The following FLG variants were observed in gnomAD, a reference collection of about 807,000 sequenced individuals.
FLG encodes filaggrin.
FLG carries 6 observed loss-of-function variants against 3.8 expected under a neutral mutation model. The ratio of observed to expected loss-of-function variants is 1.60; its 90% CI spans 0.87 to 3.15. The LOEUF (loss-of-function observed/expected upper bound fraction) is 3.15, where lower values mean the gene tolerates loss of function less well. Among genes scored for constraint, FLG ranks in the 30% most tolerant of loss-of-function variants. FLG has a pLI of 0.00. For missense variants in FLG, 7,595 were observed against 5,050.9 expected (o/e 1.50, Z -15.27); for synonymous variants, 2,551 against 1,931.6 (o/e 1.32, Z -8.41).
rs779280317 is a variant in FLG, at chr1:152,307,972, T to G, written c.6914A>C (p.His2305Pro). The stretch of plus-strand genomic sequence containing the variant: ...TCCACCAGAGGAATTCTCTGCATGA[T>G]GAGTGCCTGATTGTCTGGAGCTCTC... The part of the protein sequence containing the change: ...SAESSRQSGT[H>P]HAENSSGGQA... The change falls in exon 3 of 3, where the codon CAT (histidine) becomes CCT (proline). Residue 2305 changes from histidine (H) to proline (P), a missense_variant. Transcript: ENST00000368799. The G allele has an allele frequency of 8.1e-6, 13 of 1,613,998 alleles. No homozygotes were observed. The highest frequency in any genetic ancestry group is 5.5e-5 in the South Asian group (5 of 91,084).
In FLG at chr1:152,312,556, T is replaced by C. The variant is rs142971417; in HGVS notation, c.2330A>G (p.Glu777Gly). The part of the protein sequence containing the change: ...QAGHHQQSHQ[E>G]SARDRSGERS... ...TTCCCCTGACCGGTCACGTGCGGAC[T>C]CTTGGTGGCTCTGCTGATGGTGACC... Residue 777 changes from glutamate (E) to glycine (G), a missense_variant, in exon 3 of 3, where the codon GAG (glutamate) becomes GGG (glycine). Coordinates refer to ENST00000368799, the MANE Select transcript of FLG (RefSeq NM_002016.2). 93 of 1,613,608 alleles carry C rather than the reference T, an allele frequency of 5.8e-5. No individual in the cohort carries two copies. The African/African-American group carries it at 1.1e-3, about 20-fold the overall frequency.
chr1:152,311,683 C>T lies in FLG; in HGVS notation c.3203G>A (p.Gly1068Asp). ...VRDSGHWGSS[G>D]SQASDSEGHS... is the part of the protein sequence containing the mutation. Reference sequence around the variant, plus strand: ...TCCCTCACTATCACTGGCCTGACTACCACTGGACCCCCAGTGTCCACTGTC... The same window carrying T: ...TCCCTCACTATCACTGGCCTGACTATCACTGGACCCCCAGTGTCCACTGTC... Residue 1068 changes from glycine (G) to aspartate (D), a missense_variant, in exon 3 of 3, where the codon GGT (glycine) becomes GAT (aspartate). Coordinates refer to ENST00000368799, the MANE Select transcript of FLG (RefSeq NM_002016.2). 6.2e-7 allele frequency: 1 copy of T among 1,614,056 alleles called. No homozygotes were observed. Among genetic ancestry groups the T allele is most frequent in the East Asian group, 2.2e-5 (1 of 44,852 alleles).
chr1:152,320,756 C>T (rs754716367), intron 1 of FLG, among the ~76,000 whole-genome samples: 51 of 150,972 alleles, frequency 3.4e-4, no homozygotes, highest in Non-Finnish European at 6.3e-4. Context: ...AATATCCATT[C>T]TTTTGAAATT....
At position 152,305,251 on chromosome 1, in the gene FLG, C is replaced by T. The variant is rs748590658; in HGVS notation, c.9635G>A (p.Gly3212Glu). Residue 3212 changes from glycine (G) to glutamate (E), a missense_variant, in exon 3 of 3, where the codon GGA (glycine) becomes GAA (glutamate). Gly to Glu is a moderately conservative substitution (Grantham distance 98). Coordinates refer to ENST00000368799, the MANE Select transcript of FLG (RefSeq NM_002016.2). ...GTCACTGTCCTGGCTCACACTGGAT[C>T]CCTGGCGCCTGCTTCTCCTGGACCC... The part of the protein sequence containing the change: ...SEGSRRSRRQ[G>E]SSVSQDSDSE... 52 of 1,612,636 alleles carry T rather than the reference C, an allele frequency of 3.2e-5. No homozygotes were observed. The highest frequency in any genetic ancestry group is 4.1e-5 in the Non-Finnish European group (48 of 1,179,798).
Position 152,308,624 on chromosome 1 carries a change from C to A in FLG, c.6262G>T (p.Gly2088Trp). The change falls in exon 3 of 3, where the codon GGG (glycine) becomes TGG (tryptophan). Residue 2088 changes from glycine to tryptophan, a missense_variant. Physicochemically the swap from Gly to Trp is radical, Grantham distance 184 (BLOSUM62 -2). Coordinates refer to ENST00000368799, the MANE Select transcript of FLG (RefSeq NM_002016.2). ...GQSGESSGRSGSFLYQVSTHE... is the reference protein window; with the variant it reads ...GQSGESSGRSWSFLYQVSTHE... ...GTGCTCACCTGGTAGAGGAAAGACCCTGAACGTCCAGAGCTTTCCCCTGAC... is the reference window on the plus strand; with the variant it reads ...GTGCTCACCTGGTAGAGGAAAGACCATGAACGTCCAGAGCTTTCCCCTGAC... 1 of 1,614,062 alleles carries A rather than the reference C, an allele frequency of 6.2e-7. No homozygotes were observed. The highest frequency in any genetic ancestry group is 8.5e-7 in the Non-Finnish European group (1 of 1,179,976).
chr1:152,315,105 T>A (rs571804027), intron 2 of FLG: 220 of 423,508 alleles, frequency 5.2e-4, no homozygotes, highest in Middle Eastern at 3.2e-3. Context: ...CATTAATTTT[T>A]AAATATTTAT....
intron 1 of FLG, among the ~76,000 whole-genome samples, chr1:152,320,750 T>A (rs1652936289): frequency 6.6e-6 from 1 of 151,048 alleles, no homozygotes; most frequent in Non-Finnish European, 1.5e-5. Flanking sequence ...CTGCAGAATA[T>A]CCATTCTTTT....
chr1:152,309,594 A>G lies in FLG; in HGVS notation c.5292T>C (p.Ser1764=). ...QSGERSGRSG[S]FLYQVSTHEQ... ...CATGAGTGCTCACCTGGTAGAGGAA[A>G]GACCCTGAACGTCCAGACCTTTCCC... is the stretch of plus-strand genomic sequence containing the variant. The change falls in exon 3 of 3, where the codon TCT becomes TCC. Residue 1764 remains serine (S), a synonymous_variant. Transcript: ENST00000368799. 1 of 1,613,768 alleles carries G rather than the reference A, an allele frequency of 6.2e-7. No homozygotes were observed. The highest frequency in any genetic ancestry group is 1.1e-5 in the South Asian group (1 of 91,052).
Position 152,312,232 on chromosome 1 carries a change from C to A in FLG, c.2654G>T (p.Gly885Val). 5 of 1,613,902 alleles carry A rather than the reference C, an allele frequency of 3.1e-6. No individual in the cohort carries two copies. The highest frequency in any genetic ancestry group is 3.4e-6 in the Non-Finnish European group (4 of 1,179,986). Residue 885 changes from glycine to valine, a missense_variant, in exon 3 of 3, where the codon GGG becomes GTG. By Grantham distance (109) the Gly-to-Val change is moderately radical. Transcript: ENST00000368799. ...TSQGRSDASR[G>V]QSGSRSASRT... ...GCTTGCACTTCTGGATCCTGACTGC[C>A]CACGGGAGGCATCAGACCTTCCCTG...
chr1:152,317,622 C>A (rs138451301), intron 1 of FLG, among the ~76,000 whole-genome samples: 349 of 151,996 alleles, frequency 2.3e-3, no homozygotes, highest in African/African-American at 7.9e-3. Flanking sequence ...ATGATTCACT[C>A]CTTAGCTTCT....
chr1:152,315,261 T>A (rs1333070331), intron 2 of FLG, 58 bp downstream of exon 2: 1 of 1,523,354 alleles, frequency 6.6e-7, no homozygotes, highest in East Asian at 2.3e-5. Context: ...TAACCCTTGC[T>A]TAGATTATTG....
Position 152,314,119 on chromosome 1 carries a change from AT to A in FLG, c.766del (p.Ile256TyrfsTer16). On this transcript the variant is annotated frameshift_variant, in exon 3 of 3. Transcript: ENST00000368799. LOFTEE classifies it low-confidence loss of function (END_TRUNC). The stretch of plus-strand genomic sequence containing the variant: ...ATCAGATGACCTTGATCTTTCATAT[AT>A]TTTGTTTTCTTCTAATAGACTATCA... The part of the protein sequence containing the change: ...TTDSLLEENK[I>X]YERSRSSDGK... 1 of 1,613,932 alleles carries A rather than the reference AT, an allele frequency of 6.2e-7. No individual in the cohort carries two copies. The highest frequency in any genetic ancestry group is 8.5e-7 in the Non-Finnish European group (1 of 1,179,938).
chr1:152,309,887 C>A lies in FLG; in HGVS notation c.4999G>T (p.Ala1667Ser), dbSNP rs1652268302. Residue 1667 changes from alanine (A) to serine (S), a missense_variant, in exon 3 of 3, where the codon GCA becomes TCA. Transcript: ENST00000368799. ...GACCTTGCCTGTTCCTGGGATGATGCAGCCTGTCCACCAGAGGAAGTCTCT... is the reference window on the plus strand; with the variant it reads ...GACCTTGCCTGTTCCTGGGATGATGAAGCCTGTCCACCAGAGGAAGTCTCT... ...HAETSSGGQA[A>S]SSQEQARSSP... is the part of the protein sequence containing the mutation. 1 of 1,613,996 alleles carries A rather than the reference C, an allele frequency of 6.2e-7. No homozygotes were observed. Among genetic ancestry groups the A allele is most frequent in the African/African-American group, 1.3e-5 (1 of 74,892 alleles).
In FLG at chr1:152,312,165, C is replaced by T. The variant is rs756457819; in HGVS notation, c.2721G>A (p.Arg907=). 4 of 1,613,902 alleles carry T rather than the reference C, an allele frequency of 2.5e-6. No homozygotes were observed. Among genetic ancestry groups the T allele is most frequent in the African/African-American group, 1.3e-5 (1 of 74,938 alleles). ...RNEEQSRDGS[R]HSGSRHHEAS... The stretch of plus-strand genomic sequence containing the variant: ...CTTCATGGTGACGTGACCCTGAGTG[C>T]CTGGAGCCGTCTCTTGATTGTTCCT... Residue 907 remains arginine (R), a synonymous_variant, in exon 3 of 3, where the codon AGG becomes AGA. Coordinates refer to ENST00000368799, the MANE Select transcript of FLG (RefSeq NM_002016.2).
At position 152,303,351 on chromosome 1, in the gene FLG, G is replaced by T. The variant is rs564072147; in HGVS notation, c.11535C>A (p.Ser3845=). 4.3e-6 allele frequency: 7 copies of T among 1,613,952 alleles called. No homozygotes were observed. The highest frequency in any genetic ancestry group is 4.5e-5 in the East Asian group (2 of 44,874). Residue 3845 remains serine, a synonymous_variant, in exon 3 of 3, where the codon TCC becomes TCA. Coordinates refer to ENST00000368799, the MANE Select transcript of FLG (RefSeq NM_002016.2). ...TQADSSRHSQ[S]GQGESAGSRR... ...TGGACCCCGCTGATTCACCCTGGCC[G>T]GACTGTGAGTGTCTAGAGCTGTCAG... is the stretch of plus-strand genomic sequence containing the variant.
chr1:152,315,272 A>G, intron 2 of FLG, 47 bp downstream of exon 2: 1 of 1,583,976 alleles, frequency 6.3e-7, no homozygotes, highest in Non-Finnish European at 8.6e-7. Flanking sequence ...TAGATTATTG[A>G]TGAGAAAAAC....
Position 152,311,604 on chromosome 1 carries a change from G to A in FLG, c.3282C>T (p.Pro1094=), listed in dbSNP as rs1437654638. ...CGGACTCTTGGTGGCTCTGCTGATGGGGCCCATCCTGTCCATGGCCTGACA... is the reference window on the plus strand; with the variant it reads ...CGGACTCTTGGTGGCTCTGCTGATGAGGCCCATCCTGTCCATGGCCTGACA... ...QSVSGHGQDG[P]HQQSHQESAR... Residue 1094 remains proline, a synonymous_variant, in exon 3 of 3, where the codon CCC becomes CCT. Transcript: ENST00000368799. The A allele has an allele frequency of 4.3e-6, 7 of 1,613,930 alleles. No homozygotes were observed. The highest frequency in any genetic ancestry group is 5.1e-6 in the Non-Finnish European group (6 of 1,180,016).
At position 152,313,165 on chromosome 1, in the gene FLG, T is replaced by C; in HGVS notation, c.1721A>G (p.Glu574Gly). The C allele has an allele frequency of 6.2e-7, 1 of 1,613,882 alleles. No homozygotes were observed. The highest frequency in any genetic ancestry group is 8.5e-7 in the Non-Finnish European group (1 of 1,180,008). The change falls in exon 3 of 3, where the codon GAG becomes GGG. Residue 574 changes from glutamate (E) to glycine (G), a missense_variant. Physicochemically the swap from Glu to Gly is moderately conservative, Grantham distance 98. Coordinates refer to ENST00000368799, the MANE Select transcript of FLG (RefSeq NM_002016.2). ...CCTGGTGCCGTCTCCTGATTGTTCC[T>C]CATTTCGTGTTTGTCTGCTTGCACT... ...SRSASRQTRN[E>G]EQSGDGTRHS... is the part of the protein sequence containing the mutation.
In FLG at chr1:152,303,061, G is replaced by A. The variant is rs542027417; in HGVS notation, c.11825C>T (p.Ser3942Leu). The A allele has an allele frequency of 3.4e-5, 55 of 1,614,158 alleles. No individual in the cohort carries two copies. The South Asian group carries it at 5.4e-4, about 16-fold the overall frequency. ...SSLSQDSAYH[S>L]GIQSRGSPHS... ...AGGACTGCCACGTGACTGTATTCCT[G>A]AGTGATACGCAGAATCTTGTGAAAG... The change falls in exon 3 of 3, where the codon TCA (serine) becomes TTA (leucine). Residue 3942 changes from serine (S) to leucine (L), a missense_variant. By Grantham distance (145) the Ser-to-Leu change is moderately radical (BLOSUM62 -2). Coordinates refer to ENST00000368799, the MANE Select transcript of FLG (RefSeq NM_002016.2).
Sources: allele counts gnomAD v4.1 joint callset (sites outside exome capture counted in the v4.1 genomes callset), GRCh38; gene constraint gnomAD v4.1.1; transcripts MANE v1.5; gene names NCBI Gene and HGNC (gene_info 2026-07-23, HGNC 2026-07-21).